MYCBPAP: variants seen among roughly 807,000 people sequenced by gnomAD.
MYCBPAP encodes MYCBP associated protein, also known as MYCBP-associated protein.
A neutral mutation model predicts 106.1 loss-of-function variants in MYCBPAP; 60 were observed. The ratio of observed to expected loss-of-function variants is 0.57; its 90% CI spans 0.46 to 0.70. The LOEUF (loss-of-function observed/expected upper bound fraction) is 0.70, where lower values mean the gene tolerates loss of function less well. Among genes scored for constraint, MYCBPAP ranks in the 30% least tolerant of loss-of-function variants. MYCBPAP has a pLI of 0.00. For missense variants in MYCBPAP, 1,064 were observed against 1,169.3 expected (o/e 0.91, Z 1.31); for synonymous variants, 407 against 440.6 (o/e 0.92, Z 0.95).
chr17:50,511,158 C>T (rs1327706848), intron 1 of MYCBPAP, among the ~76,000 whole-genome samples: 1 of 151,768 alleles, frequency 6.6e-6, no homozygotes, highest in African/African-American at 2.4e-5. Flanking sequence ...AGCCCCCATA[C>T]AAGGCAGCTA....
intron 13 of MYCBPAP, among the ~76,000 whole-genome samples, chr17:50,525,325 T>C (rs972798437): frequency 1.3e-5 from 2 of 152,234 alleles, no homozygotes; most frequent in Admixed American, 6.5e-5. Context: ...GGAAAAATTG[T>C]CTTCCACGAA....
chr17:50,510,419 CAT>C (rs1171193123), intron 1 of MYCBPAP: 6 of 144,674 alleles, frequency 4.1e-5, no homozygotes, highest in African/African-American at 2.5e-5. Context: ...TGTTTTATGA[CAT>C]ACTATATATA....
Position 50,516,697 on chromosome 17 carries a change from G to C in MYCBPAP, c.204G>C (p.Glu68Asp). 2 of 1,613,820 alleles carry C rather than the reference G, an allele frequency of 1.2e-6. No homozygotes were observed. Among genetic ancestry groups the C allele is most frequent in the Non-Finnish European group, 1.7e-6 (2 of 1,179,872 alleles). ...ALAIKKEDLK[E>D]QHIPRLTEKE... ...CCATTAAGAAGGAAGACTTGAAGGAGGTGAGGATGAAGCCCAAGCTTCCCT... is the reference window on the plus strand; with the variant it reads ...CCATTAAGAAGGAAGACTTGAAGGACGTGAGGATGAAGCCCAAGCTTCCCT... Residue 68 changes from glutamate (E) to aspartate (D), a missense_variant and splice_region_variant, in exon 2 of 19, where the codon GAG becomes GAC. Transcript: ENST00000323776.
intron 18 of MYCBPAP, 166 bp downstream of exon 18, chr17:50,529,354 G>C (rs1445525985): frequency 1.5e-6 from 1 of 646,122 alleles, no homozygotes; most frequent in African/African-American, 1.8e-5. Context: ...AATGCGCCTA[G>C]CATGTTAGGT....
At position 50,514,942 on chromosome 17, in the gene MYCBPAP, C is replaced by A. The variant is rs541860651; in HGVS notation, c.77-1628C>A. On this transcript the variant is annotated intron_variant, in intron 1 of 18. Transcript: ENST00000323776. ...TAATCCATTCCTTGGCATGCCATTG[C>A]CCATGGGGTAAGCCTTCACATGGCT... The A allele has an allele frequency of 4.9e-4, 223 of 451,620 alleles. 1 individual carries two copies. The highest frequency in any genetic ancestry group is 4.1e-3 in the African/African-American group (207 of 49,938). The allele number at this position is 451,620 out of a possible 1,614,324, so 28.0% of individuals were successfully genotyped here. A position where few individuals can be genotyped will look rare whatever the true frequency, so the allele number is the denominator to read the frequency against.
rs200194075 is a variant in MYCBPAP at position 50,521,991 on chromosome 17, C to T, written c.1167C>T (p.Ser389=). 9 of 1,613,814 alleles carry T rather than the reference C, an allele frequency of 5.6e-6. No homozygotes were observed. Among genetic ancestry groups the T allele is most frequent in the East Asian group, 2.2e-5 (1 of 44,866 alleles). The change falls in exon 10 of 19, where the codon TCC becomes TCT. Residue 389 remains serine (S), a synonymous_variant. Coordinates refer to ENST00000323776, the MANE Select transcript of MYCBPAP (RefSeq NM_032133.6). ...DTAYLGTLAS[S]SDVSMPILGP... is the part of the protein sequence containing the mutation. ...CTTACAGAGGCACATTGGCCAGTTC[C>T]TCTGATGTCTCCATGCCTATTCTCG...
In MYCBPAP at chr17:50,521,354, C is replaced by G; in HGVS notation, c.1071C>G (p.Pro357=). 1.2e-6 allele frequency: 2 copies of G among 1,606,000 alleles called. No individual in the cohort carries two copies. The highest frequency in any genetic ancestry group is 1.7e-6 in the Non-Finnish European group (2 of 1,175,886). Residue 357 remains proline (P), a synonymous_variant, in exon 9 of 19, where the codon CCC becomes CCG. Coordinates refer to ENST00000323776, the MANE Select transcript of MYCBPAP (RefSeq NM_032133.6). ...DGLEVVGKGW[P]FSAVTVEDYT... Reference sequence around the variant, plus strand: ...TGGAGGTGGTGGGCAAAGGGTGGCCCTTCTCGGCTGTTACTGTGGAAGACT... The same window carrying G: ...TGGAGGTGGTGGGCAAAGGGTGGCCGTTCTCGGCTGTTACTGTGGAAGACT...
At chr17:50,522,301 C>T (rs1182671809) in intron 10 of MYCBPAP, 1 of 430,650 alleles carries the variant, frequency 2.3e-6, no homozygotes. Flanking sequence ...TACCCAGCCC[C>T]CAAGCATGTA....
chr17:50,512,938 C>T (rs914165829), intron 1 of MYCBPAP, among the ~76,000 whole-genome samples: 2 of 151,656 alleles, frequency 1.3e-5, no homozygotes, highest in African/African-American at 4.9e-5. Context: ...GTTGGGCGGC[C>T]GGGTGCGGTG....
chr17:50,508,570 G>T lies in MYCBPAP; in HGVS notation c.-105G>T, dbSNP rs2033699748. ...GATGCGCGCCCCCGCGCGGGGCACC[G>T]GTTGCTGTGGACGCAGTGGCGGCCG... On this transcript the variant is annotated 5_prime_UTR_variant, in exon 1 of 19. Coordinates refer to ENST00000323776, the MANE Select transcript of MYCBPAP (RefSeq NM_032133.6). The T allele has an allele frequency of 1.9e-6, 3 of 1,549,144 alleles. No individual in the cohort carries two copies. Among genetic ancestry groups the T allele is most frequent in the African/African-American group, 1.4e-5 (1 of 72,634 alleles).
Position 50,523,801 on chromosome 17 carries a change from C to T in MYCBPAP, c.1635+17C>T. The T allele has an allele frequency of 6.2e-7, 1 of 1,608,866 alleles. No individual in the cohort carries two copies. The highest frequency in any genetic ancestry group is 1.3e-5 in the African/African-American group (1 of 74,770). ...GTACTGGAGGTAAGGGACCCAGGACCATGGCCCCTGTGGACATCAGGTAGG... is the reference window on the plus strand; with the variant it reads ...GTACTGGAGGTAAGGGACCCAGGACTATGGCCCCTGTGGACATCAGGTAGG... On this transcript the variant is annotated intron_variant, in intron 12 of 18. Coordinates refer to ENST00000323776, the MANE Select transcript of MYCBPAP (RefSeq NM_032133.6).
At chr17:50,528,922 C>T in intron 17 of MYCBPAP, 82 bp downstream of exon 17, 1 of 1,597,084 alleles carries the variant, frequency 6.3e-7, no homozygotes, top group Non-Finnish European at 8.5e-7. Context: ...TGGAGGTGGG[C>T]ATGTGCCCAG....
intron 4 of MYCBPAP, 116 bp from the exon 5 acceptor site, chr17:50,518,425 G>A (rs2034131543): frequency 1.2e-6 from 1 of 864,736 alleles, no homozygotes; most frequent in Non-Finnish European, 1.7e-6. Context: ...GTCCTGAAGA[G>A]GAGGGACTCT....
In MYCBPAP at chr17:50,508,492, C is replaced by A; in HGVS notation, c.-183C>A. On this transcript the variant is annotated 5_prime_UTR_variant, in exon 1 of 19. Coordinates refer to ENST00000323776, the MANE Select transcript of MYCBPAP (RefSeq NM_032133.6). ...AAGCCGCCGGCGGCGGGCGCGTGCG[C>A]GGCCCGATGAAGAAGGAGGTTTCCA... 1 of 1,486,732 alleles carries A rather than the reference C, an allele frequency of 6.7e-7. No individual in the cohort carries two copies. The highest frequency in any genetic ancestry group is 9.0e-7 in the Non-Finnish European group (1 of 1,111,488). 92.1% of individuals were successfully genotyped at this position (1,486,732 alleles called of 1,614,324 possible). A position where few individuals can be genotyped will look rare whatever the true frequency, so the allele number is the denominator to read the frequency against.
chr17:50,528,616 C>T (rs373689517), intron 16 of MYCBPAP, 79 bp from the exon 17 acceptor site: 370 of 1,553,680 alleles, frequency 2.4e-4, no homozygotes, highest in Middle Eastern at 3.4e-4. Flanking sequence ...TCCACCTCCC[C>T]TCAAGCCTCC....
rs768042706 is a variant in MYCBPAP at position 50,527,357 on chromosome 17, A to T, written c.2240A>T (p.Glu747Val). Residue 747 changes from glutamate to valine, a missense_variant, in exon 15 of 19, where the codon GAG becomes GTG. Glu to Val is a moderately radical substitution (Grantham distance 121, BLOSUM62 -2). Coordinates refer to ENST00000323776, the MANE Select transcript of MYCBPAP (RefSeq NM_032133.6). ...ALMRLNKAAL[E>V]LCQKPRPLQS... ...ATGAGGCTCAACAAAGCAGCCCTGG[A>T]GCTGTGCCAGAAGCCAAGGCCATTG... 12 of 1,613,976 alleles carry T rather than the reference A, an allele frequency of 7.4e-6. No homozygotes were observed. The African/African-American group carries it at 1.5e-4, about 20-fold the overall frequency.
At chr17:50,529,864 G>A (rs149076750) in intron 18 of MYCBPAP, 25 of 454,680 alleles carry the variant, frequency 5.5e-5, no homozygotes, top group Admixed American at 3.5e-4. Flanking sequence ...ATCCTAATCC[G>A]TTCTTAAGTA....
In MYCBPAP at chr17:50,523,355, C is replaced by T. The variant is rs116048802; in HGVS notation, c.1447+227C>T. On this transcript the variant is annotated intron_variant, in intron 11 of 18. Transcript: ENST00000323776. ...GAGGTGAGCCACCAGGGAGCAGAAG[C>T]GTTCTAGGGGCTCAGTTATCTAGGT... Among the ~76,000 whole-genome samples, 519 of 152,276 alleles carry T rather than the reference C, an allele frequency of 3.4e-3. 4 individuals are homozygous for T. Among genetic ancestry groups the T allele is most frequent in the African/African-American group, 0.012 (490 of 41,558 alleles).
chr17:50,530,492 A>C (rs2034598341), intron 18 of MYCBPAP, among the ~76,000 whole-genome samples: 1 of 148,866 alleles, frequency 6.7e-6, no homozygotes, highest in African/African-American at 2.5e-5. Flanking sequence ...TGAGACTCTT[A>C]CCTCCAAAAA....
Sources: gnomAD v4.1 joint callset for allele counts (sites outside exome capture counted in the v4.1 genomes callset) on GRCh38, gnomAD v4.1.1 for gene constraint, MANE v1.5 for transcripts, NCBI Gene and HGNC (gene_info 2026-07-23, HGNC 2026-07-21) for gene names.